AREL1: variants seen among roughly 807,000 people sequenced by gnomAD.
AREL1 encodes apoptosis resistant E3 ubiquitin protein ligase 1.
AREL1 carries 62 observed loss-of-function variants against 99.0 expected under a neutral mutation model. The ratio of observed to expected loss-of-function variants is 0.63; its 90% CI spans 0.51 to 0.77. The LOEUF is 0.77. Among genes scored for constraint, AREL1 ranks in the 30% least tolerant of loss-of-function variants. The pLI is 0.00. For missense variants in AREL1, 879 were observed against 1,027.6 expected, an observed-to-expected ratio of 0.86 and a Z score of 1.98; for synonymous variants, 380 against 376.5, an observed-to-expected ratio of 1.01 and a Z score of -0.11.
chr14:74,685,381 A>C (rs2089725233), intron 3 of AREL1, among the ~76,000 whole-genome samples: 1 of 152,088 alleles, frequency 6.6e-6, no homozygotes, highest in African/African-American at 2.4e-5. Flanking sequence ...TGTCTTATTC[A>C]ACTTTAGACT....
At chr14:74,683,633 C>T in intron 4 of AREL1, 100 bp from the exon 5 acceptor site, 1 of 1,055,422 alleles carries the variant, frequency 9.5e-7, no homozygotes, top group Non-Finnish European at 1.4e-6. Context: ...GCAGAGACCA[C>T]ACCAGTAAAT....
chr14:74,698,074 T>C (rs927032413), intron 1 of AREL1, among the ~76,000 whole-genome samples: 3 of 152,176 alleles, frequency 2.0e-5, no homozygotes, highest in African/African-American at 7.2e-5. Flanking sequence ...AGATAAAACA[T>C]GGATATGTTG....
chr14:74,684,726 A>G, intron 3 of AREL1, 46 bp from the exon 4 acceptor site: 1 of 1,557,450 alleles, frequency 6.4e-7, no homozygotes, highest in Non-Finnish European at 8.8e-7. Context: ...GTTACACATT[A>G]CAGCTTTTCA....
At chr14:74,702,826 G>A (rs1324344805) in intron 1 of AREL1, among the ~76,000 whole-genome samples, 1 of 152,180 alleles carries the variant, frequency 6.6e-6, no homozygotes, top group Admixed American at 6.5e-5. Flanking sequence ...TAGGGCAGGA[G>A]CAAAATGATT....
rs752599769 is a variant in AREL1, at chr14:74,712,038, C to CAA, written c.-334+893_-334+894dup. The CAA allele has an allele frequency of 1.7e-3, 49 of 28,690 alleles. 3 individuals carry two copies. Among genetic ancestry groups the CAA allele is most frequent in the South Asian group, 5.8e-3 (3 of 514 alleles). 1.8% of individuals were successfully genotyped at this position (28,690 alleles called of 1,614,324 possible). A position where few individuals can be genotyped will look rare whatever the true frequency, so the allele number is the denominator to read the frequency against. On this transcript the variant is annotated intron_variant, in intron 1 of 19. Coordinates refer to ENST00000356357, the MANE Select transcript of AREL1 (RefSeq NM_001039479.2). ...TAGCTGGAGAATGGAAGACAAAGTG[C>CAA]AAAAAAAAAAAAAAAAAAAAAAAAA...
chr14:74,662,916 A>G lies in AREL1; in HGVS notation c.*804T>C. The G allele has an allele frequency of 3.4e-6, 1 of 291,892 alleles. No individual in the cohort carries two copies. The highest frequency in any genetic ancestry group is 6.3e-6 in the Non-Finnish European group (1 of 158,384). The allele number at this position is 291,892 out of a possible 1,614,324, so 18.1% of individuals were successfully genotyped here. Reference sequence around the variant, plus strand: ...CAGTGCCAATAACAAACTCAGGGAAAAGCATCAGTAGTCTCCAAGCCAGCC... The same window carrying G: ...CAGTGCCAATAACAAACTCAGGGAAGAGCATCAGTAGTCTCCAAGCCAGCC... On this transcript the variant is annotated 3_prime_UTR_variant, in exon 20 of 20. Transcript: ENST00000356357.
chr14:74,697,880 CT>C (rs2090005978), intron 1 of AREL1, among the ~76,000 whole-genome samples: 1 of 152,148 alleles, frequency 6.6e-6, no homozygotes, highest in Admixed American at 6.5e-5. Flanking sequence ...GTACCTCATT[CT>C]ATAACTCCCA....
intron 3 of AREL1, 31 bp downstream of exon 3, chr14:74,685,569 T>C (rs929868268): frequency 1.2e-6 from 2 of 1,613,086 alleles, no homozygotes; most frequent in Non-Finnish European, 1.7e-6. Flanking sequence ...TTTACAAAAA[T>C]ATAATAGAGA....
At chr14:74,689,587 C>CTTTTTTTTTTTTTTTTTTT (rs1185444870) in intron 2 of AREL1, among the ~76,000 whole-genome samples, 1 of 113,714 alleles carries the variant, frequency 8.8e-6, no homozygotes, top group Non-Finnish European at 2.0e-5. Flanking sequence ...TCTTATAGCA[C>CTTTTTTTTTTTTTTTTTTT]TTTTCTTTTT....
intron 1 of AREL1, among the ~76,000 whole-genome samples, chr14:74,698,163 T>C (rs1007464340): frequency 2.6e-5 from 4 of 152,184 alleles, no homozygotes; most frequent in Non-Finnish European, 5.9e-5. Flanking sequence ...AGTTAACATA[T>C]CCTTTACCAC....
chr14:74,712,182 A>C (rs988946389), intron 1 of AREL1: 2 of 151,934 alleles, frequency 1.3e-5, no homozygotes, highest in Non-Finnish European at 2.9e-5. Flanking sequence ...CAATTTCCCC[A>C]TATGTAAAAT....
In AREL1 at chr14:74,670,128, T is replaced by C; in HGVS notation, c.1609-2A>G. 1.9e-6 allele frequency: 3 copies of C among 1,587,836 alleles called. No individual in the cohort carries two copies. The highest frequency in any genetic ancestry group is 2.3e-5 in the South Asian group (2 of 88,368). ...GGGGCGATTAGGGTTGGGATGCACC[T>C]GTCCAAGAAAGAGACTGAAAGGCCC... On this transcript the variant is annotated splice_acceptor_variant, in intron 13 of 19. Transcript: ENST00000356357. LOFTEE classifies it high-confidence loss of function.
At chr14:74,705,197 G>A (rs554562136) in intron 1 of AREL1, among the ~76,000 whole-genome samples, 16 of 152,126 alleles carry the variant, frequency 1.1e-4, no homozygotes, top group Admixed American at 3.9e-4. Flanking sequence ...GCGTCACCAC[G>A]CCCAGCTAAT....
intron 5 of AREL1, among the ~76,000 whole-genome samples, chr14:74,681,228 A>C (rs563227082): frequency 1.1e-4 from 16 of 152,116 alleles, no homozygotes; most frequent in Non-Finnish European, 2.2e-4. Flanking sequence ...GAGAGAAAAA[A>C]ACCACAAAAC....
intron 2 of AREL1, among the ~76,000 whole-genome samples, chr14:74,690,606 T>C (rs747344337): frequency 2.8e-4 from 43 of 152,228 alleles, no homozygotes; most frequent in Non-Finnish European, 4.7e-4. Context: ...TTGCTATTCA[T>C]AATTTTCCTG....
Position 74,692,066 on chromosome 14 carries a change from G to T in AREL1, c.-71C>A. The T allele has an allele frequency of 2.5e-6, 1 of 406,724 alleles. No individual in the cohort carries two copies. Among genetic ancestry groups the T allele is most frequent in the Non-Finnish European group, 4.7e-6 (1 of 211,838 alleles). 25.2% of individuals were successfully genotyped at this position (406,724 alleles called of 1,614,324 possible). A position where few individuals can be genotyped will look rare whatever the true frequency, so the allele number is the denominator to read the frequency against. On this transcript the variant is annotated 5_prime_UTR_variant, in exon 2 of 20. Coordinates refer to ENST00000356357, the MANE Select transcript of AREL1 (RefSeq NM_001039479.2). ...CTTTAAACGAGGGCCCATGTTCTGAGAACCAAGTAGAGCACTCCTATTCAC... is the reference window on the plus strand; with the variant it reads ...CTTTAAACGAGGGCCCATGTTCTGATAACCAAGTAGAGCACTCCTATTCAC...
intron 5 of AREL1, among the ~76,000 whole-genome samples, chr14:74,681,365 G>A (rs2089622462): frequency 6.6e-6 from 1 of 151,456 alleles, no homozygotes; most frequent in Admixed American, 6.6e-5. Context: ...GCTGAGTGAG[G>A]AAAAGTCAAC....
chr14:74,693,801 G>C (rs1024469943), intron 1 of AREL1, among the ~76,000 whole-genome samples: 1 of 152,162 alleles, frequency 6.6e-6, no homozygotes, highest in Non-Finnish European at 1.5e-5. Flanking sequence ...TAAAAGAACA[G>C]AATGAGTGAA....
chr14:74,669,663 C>G lies in AREL1; in HGVS notation c.1900G>C (p.Gly634Arg). The G allele has an allele frequency of 6.2e-7, 1 of 1,614,034 alleles. No homozygotes were observed. The part of the protein sequence containing the change: ...VFAEEKYNKS[G>R]QLDKVVELMT... ...CTCTTTCTCACCTTATCCAATTGACCTGATTTATTATATTTCTCTTCTGCA... is the reference window on the plus strand; with the variant it reads ...CTCTTTCTCACCTTATCCAATTGACGTGATTTATTATATTTCTCTTCTGCA... The change falls in exon 15 of 20, where the codon GGT becomes CGT. Residue 634 changes from glycine (G) to arginine (R), a missense_variant. Transcript: ENST00000356357.
Sources: allele counts gnomAD v4.1 joint callset (sites outside exome capture counted in the v4.1 genomes callset), GRCh38; gene constraint gnomAD v4.1.1; transcripts MANE v1.5; gene names NCBI Gene and HGNC (gene_info 2026-07-23, HGNC 2026-07-21).